CTNND2: variants seen among roughly 807,000 people sequenced by gnomAD.
CTNND2 encodes catenin delta 2, also known as catenin delta-2.
A neutral mutation model predicts 144.4 loss-of-function variants in CTNND2; 22 were observed. That is an observed-to-expected ratio of 0.15 (90% CI 0.11 to 0.22). The LOEUF (loss-of-function observed/expected upper bound fraction) is 0.22, where lower values mean the gene tolerates loss of function less well. CTNND2 is among the 10% of genes least tolerant of loss of function. The pLI, the probability that CTNND2 is intolerant of heterozygous loss-of-function variation, is 1.00. For synonymous variants in CTNND2, 751 were observed against 695.6 expected, an observed-to-expected ratio of 1.08 and a Z score of -1.25; for missense variants, 1,353 against 1,618.8, an observed-to-expected ratio of 0.84 and a Z score of 2.82.
At chr5:11,399,570 T>A (rs1245436643) in intron 5 of CTNND2, among the ~76,000 whole-genome samples, 1 of 152,232 alleles carries the variant, frequency 6.6e-6, no homozygotes, top group Non-Finnish European at 1.5e-5. Flanking sequence ...CAATGTAAAG[T>A]CCCTTTTCAA....
intron 9 of CTNND2, among the ~76,000 whole-genome samples, chr5:11,326,340 TC>T (rs1291724333): frequency 1.3e-5 from 2 of 152,136 alleles, no homozygotes; most frequent in African/African-American, 4.8e-5. Context: ...GTAGTGAGGT[TC>T]CTGGGGAGTC....
At chr5:10,990,228 G>C (rs1299417395) in intron 19 of CTNND2, among the ~76,000 whole-genome samples, 1 of 152,190 alleles carries the variant, frequency 6.6e-6, no homozygotes, top group Non-Finnish European at 1.5e-5. Flanking sequence ...CCAGGGGAGA[G>C]GACAAAGGCT....
At chr5:11,682,215 C>G (rs1019806643) in intron 2 of CTNND2, among the ~76,000 whole-genome samples, 1 of 152,206 alleles carries the variant, frequency 6.6e-6, no homozygotes, top group African/African-American at 2.4e-5. Flanking sequence ...CCTAGACTCT[C>G]AGATCTTTAT....
chr5:11,557,498 G>A (rs1351057550), intron 3 of CTNND2, among the ~76,000 whole-genome samples: 1 of 152,058 alleles, frequency 6.6e-6, no homozygotes, highest in Non-Finnish European at 1.5e-5. Context: ...TGCATTACTA[G>A]CCCACAAAGC....
intron 16 of CTNND2, among the ~76,000 whole-genome samples, chr5:11,068,307 AG>A (rs1376480510): frequency 3.3e-5 from 5 of 152,226 alleles, no homozygotes; most frequent in African/African-American, 9.6e-5. Context: ...GCTCTGGGTC[AG>A]GCTCAGGTGA....
chr5:11,093,488 T>A lies in CTNND2; in HGVS notation c.2637+5087A>T, dbSNP rs186211439. Reference sequence around the variant, plus strand: ...GTTTTTCTGATGCTCATAAACCAAGTAATGAGTGTTTTAAAGTTTAAAAAG... The same window carrying A: ...GTTTTTCTGATGCTCATAAACCAAGAAATGAGTGTTTTAAAGTTTAAAAAG... On this transcript the variant is annotated intron_variant, in intron 15 of 21. Transcript: ENST00000304623. 2.4e-3 allele frequency among the ~76,000 whole-genome samples: 367 copies of A among 152,298 alleles called. 2 individuals are homozygous for A. The highest frequency in any genetic ancestry group is 8.3e-3 in the African/African-American group (346 of 41,558).
At chr5:11,308,137 C>T (rs1245529283) in intron 9 of CTNND2, among the ~76,000 whole-genome samples, 2 of 152,064 alleles carry the variant, frequency 1.3e-5, no homozygotes, top group Non-Finnish European at 2.9e-5. Flanking sequence ...CAGTTTGTGG[C>T]ATTTTGTTAC....
chr5:11,502,182 T>C (rs1446066587), intron 3 of CTNND2, among the ~76,000 whole-genome samples: 2 of 146,188 alleles, frequency 1.4e-5, no homozygotes, highest in African/African-American at 4.8e-5. Flanking sequence ...CGTCCAGAAC[T>C]GTGAGAAATA....
At chr5:11,611,581 C>T (rs984416481) in intron 2 of CTNND2, among the ~76,000 whole-genome samples, 1 of 152,020 alleles carries the variant, frequency 6.6e-6, no homozygotes, top group African/African-American at 2.4e-5. Context: ...AGTTCGAGAC[C>T]AGCCTGGAAA....
chr5:11,018,705 CTCTT>C (rs1741889212), intron 17 of CTNND2, among the ~76,000 whole-genome samples: 2 of 147,462 alleles, frequency 1.4e-5, no homozygotes, highest in Admixed American at 6.7e-5. Flanking sequence ...AAGGCCCTGA[CTCTT>C]TTTTTTTTTT....
At chr5:11,625,725 G>A (rs1781119915) in intron 2 of CTNND2, among the ~76,000 whole-genome samples, 1 of 152,048 alleles carries the variant, frequency 6.6e-6, no homozygotes, top group South Asian at 2.1e-4. Flanking sequence ...TACAGGACTT[G>A]TCTCCAATAT....
chr5:11,140,421 C>T (rs1756613024), intron 12 of CTNND2, among the ~76,000 whole-genome samples: 1 of 152,182 alleles, frequency 6.6e-6, no homozygotes, highest in Non-Finnish European at 1.5e-5. Context: ...AATTGGAATG[C>T]AATGCTATCT....
intron 9 of CTNND2, among the ~76,000 whole-genome samples, chr5:11,248,519 A>G (rs1743243258): frequency 6.6e-6 from 1 of 152,194 alleles, no homozygotes; most frequent in Non-Finnish European, 1.5e-5. Flanking sequence ...AGGAAACTTG[A>G]TACATAGACT....
At chr5:11,395,114 C>T (rs1290235562) in intron 6 of CTNND2, among the ~76,000 whole-genome samples, 2 of 152,144 alleles carry the variant, frequency 1.3e-5, no homozygotes, top group African/African-American at 4.8e-5. Flanking sequence ...ATAGAGGGAT[C>T]TGAACAATAG....
chr5:11,029,318 G>A (rs372474247), intron 16 of CTNND2, among the ~76,000 whole-genome samples: 30 of 151,956 alleles, frequency 2.0e-4, no homozygotes, highest in Admixed American at 5.9e-4. Flanking sequence ...TATTTCTAGC[G>A]TTTTTCTGTT....
intron 16 of CTNND2, among the ~76,000 whole-genome samples, chr5:11,027,824 G>C (rs1374535708): frequency 6.6e-6 from 1 of 152,178 alleles, no homozygotes; most frequent in Non-Finnish European, 1.5e-5. Context: ...CCCAAGAAAG[G>C]CACTCCTTGC....
chr5:11,144,428 AC>A (rs1757050751), intron 12 of CTNND2, among the ~76,000 whole-genome samples: 1 of 152,096 alleles, frequency 6.6e-6, no homozygotes, highest in Non-Finnish European at 1.5e-5. Context: ...CCTCCGGTCC[AC>A]CTGCAGGCTA....
chr5:11,166,775 G>T (rs61751837), intron 11 of CTNND2, among the ~76,000 whole-genome samples: 40,237 of 151,936 alleles, frequency 0.26, 5,612 homozygotes, highest in East Asian at 0.31. Context: ...CGAGTATTTG[G>T]ATGCATATAA....
intron 3 of CTNND2, among the ~76,000 whole-genome samples, chr5:11,458,322 T>C (rs536099243): frequency 6.6e-6 from 1 of 152,250 alleles, no homozygotes; most frequent in South Asian, 2.1e-4. Flanking sequence ...GAGGTATGGA[T>C]TGGGTAGTTT....
Sources: gnomAD v4.1 joint callset for allele counts (sites outside exome capture counted in the v4.1 genomes callset) on GRCh38, gnomAD v4.1.1 for gene constraint, MANE v1.5 for transcripts, NCBI Gene and HGNC (gene_info 2026-07-23, HGNC 2026-07-21) for gene names.